The following KCTD5 variants were observed in gnomAD, a reference collection of about 807,000 sequenced individuals.
KCTD5 encodes the protein potassium channel tetramerization domain containing 5.
Under a neutral mutation model 27.9 loss-of-function variants are expected in KCTD5, and 12 were observed. The ratio of observed to expected loss-of-function variants is 0.43; its 90% confidence interval spans 0.28 to 0.70. The LOEUF (loss-of-function observed/expected upper bound fraction) is 0.70. KCTD5 is among the 30% of genes least tolerant of loss of function. The pLI is 0.19. For missense variants in KCTD5, 226 were observed against 274.8 expected, an observed-to-expected ratio of 0.82 and a Z score of 1.26; for synonymous variants, 147 against 121.4, an observed-to-expected ratio of 1.21 and a Z score of -1.39.
chr16:2,696,796 G>A (rs1354471572), intron 2 of KCTD5, among the ~76,000 whole-genome samples: 1 of 152,268 alleles, frequency 6.6e-6, no homozygotes, highest in East Asian at 1.9e-4. Flanking sequence ...GAGTGACGGG[G>A]GCTGTGGCCC....
chr16:2,702,464 A>G lies in KCTD5; in HGVS notation c.661A>G (p.Ser221Gly). ...CCCGTACGGTACGGCCAGCGAGCCC[A>G]GCGAGAAGGCCAAGGTGAGTGCTGG... ...NTPYGTASEP[S>G]EKAKILQERG... Residue 221 changes from serine to glycine, a missense_variant, in exon 5 of 6, where the codon AGC becomes GGC. This residue lies in a region of KCTD5 where 135 missense variants were observed against 207.0 expected (regional missense o/e 0.65). Transcript: ENST00000301738. The G allele has an allele frequency of 6.2e-7, 1 of 1,613,138 alleles. No homozygotes were observed. The highest frequency in any genetic ancestry group is 8.5e-7 in the Non-Finnish European group (1 of 1,179,922).
chr16:2,705,193 G>A lies in KCTD5; in HGVS notation c.676-2105G>A, dbSNP rs1295889367. On this transcript the variant is annotated intron_variant, in intron 5 of 5. Coordinates refer to ENST00000301738, the MANE Select transcript of KCTD5 (RefSeq NM_018992.4). ...GGCTCAGATTAAGTGTGAATGTCAT[G>A]GTGAGCTCCGTGGCCTCCTTGACCC... Among the ~76,000 whole-genome samples the A allele has an allele frequency of 3.9e-5, 6 of 152,316 alleles. No homozygotes were observed. In the South Asian group the frequency reaches 1.2e-3, roughly 32 times the overall value.
chr16:2,690,250 G>A (rs928453751), intron 1 of KCTD5, among the ~76,000 whole-genome samples: 2 of 152,240 alleles, frequency 1.3e-5, no homozygotes, highest in Non-Finnish European at 2.9e-5. Context: ...CCGTCTGCCA[G>A]GGCTGTGTGT....
At chr16:2,683,420 G>A (rs1160666053) in intron 1 of KCTD5, 1 of 152,126 alleles carries the variant, frequency 6.6e-6, no homozygotes. Flanking sequence ...TCATATTAAG[G>A]GTTGCTTTAG....
intron 1 of KCTD5, among the ~76,000 whole-genome samples, chr16:2,689,852 T>C (rs2067557514): frequency 1.3e-5 from 2 of 152,166 alleles, no homozygotes; most frequent in Admixed American, 1.3e-4. Flanking sequence ...ATTTGTGTAT[T>C]TTTAGTAGAG....
chr16:2,687,059 G>C (rs1484919271), intron 1 of KCTD5, among the ~76,000 whole-genome samples: 1 of 152,198 alleles, frequency 6.6e-6, no homozygotes, highest in East Asian at 1.9e-4. Context: ...CTGGACCTCT[G>C]CGATGGTCCC....
chr16:2,704,228 GCC>G (rs2067624719), intron 5 of KCTD5, among the ~76,000 whole-genome samples: 1 of 152,230 alleles, frequency 6.6e-6, no homozygotes, highest in South Asian at 2.1e-4. Flanking sequence ...CAGAGCTCAG[GCC>G]AGAGCCTCAG....
At chr16:2,699,792 G>A (rs779694301) in intron 3 of KCTD5, 29 bp from the exon 4 acceptor site, 12 of 1,606,398 alleles carry the variant, frequency 7.5e-6, no homozygotes, top group East Asian at 4.5e-5. Context: ...TGGGTGGCCC[G>A]CCCTTACCTG....
intron 5 of KCTD5, among the ~76,000 whole-genome samples, chr16:2,703,718 T>C (rs1748589681): frequency 1.3e-5 from 2 of 152,192 alleles, no homozygotes; most frequent in African/African-American, 2.4e-5. Flanking sequence ...CCCGTTGTGC[T>C]CTTGCTGTGG....
In KCTD5 at chr16:2,682,532, C is replaced by CG; in HGVS notation, c.-13dup. The CG allele has an allele frequency of 5.0e-6, 7 of 1,390,588 alleles. No homozygotes were observed. In the South Asian group the frequency reaches 1.0e-4, roughly 20 times the overall value. 86.1% of individuals were successfully genotyped at this position (1,390,588 alleles called of 1,614,324 possible). A position where few individuals can be genotyped will look rare whatever the true frequency, so the allele number is the denominator to read the frequency against. ...CGCTTCCGGTGGAAGGGAGCTGTTGCGGGGCTTGCTGGGATCATGGCGGAG... is the reference window on the plus strand; with the variant it reads ...CGCTTCCGGTGGAAGGGAGCTGTTGCGGGGGCTTGCTGGGATCATGGCGGAG... On this transcript the variant is annotated 5_prime_UTR_variant, in exon 1 of 6. Coordinates refer to ENST00000301738, the MANE Select transcript of KCTD5 (RefSeq NM_018992.4).
intron 2 of KCTD5, among the ~76,000 whole-genome samples, chr16:2,696,568 G>A (rs1290664964): frequency 6.6e-6 from 1 of 152,380 alleles, no homozygotes; most frequent in East Asian, 1.9e-4. Context: ...GGCCCAGGCT[G>A]GCCTGCCTGT....
intron 1 of KCTD5, among the ~76,000 whole-genome samples, chr16:2,691,311 T>C (rs897727537): frequency 2.0e-5 from 3 of 152,150 alleles, no homozygotes; most frequent in African/African-American, 7.2e-5. Flanking sequence ...AGGGCCTGTT[T>C]CTCGAGGAAA....
chr16:2,704,655 AG>A (rs2067627119), intron 5 of KCTD5, among the ~76,000 whole-genome samples: 1 of 152,140 alleles, frequency 6.6e-6, no homozygotes, highest in South Asian at 2.1e-4. Context: ...GCGGCTGAGG[AG>A]GGGGTTCCTT....
rs1413861693 is a variant in KCTD5, at chr16:2,688,633, C to G, written c.252+5833C>G. On this transcript the variant is annotated intron_variant, in intron 1 of 5. Transcript: ENST00000301738. ...TGTCGACCTCTGGCCACACTCAGCC[C>G]TGTCAGCCTCGGGTGATGCACCGGA... Among the ~76,000 whole-genome samples, 3 of 133,422 alleles carry G rather than the reference C, an allele frequency of 2.2e-5. No homozygotes were observed. In the Admixed American group the frequency reaches 2.3e-4, roughly 10 times the overall value. 87.5% of individuals were successfully genotyped at this position (133,422 alleles called of 152,430 possible).
At chr16:2,704,429 C>T (rs970604177) in intron 5 of KCTD5, among the ~76,000 whole-genome samples, 10 of 150,616 alleles carry the variant, frequency 6.6e-5, no homozygotes, top group East Asian at 4.0e-4. Flanking sequence ...GGTGGTGGGG[C>T]GGGAGGGGTT....
rs372221749 is a variant in KCTD5, at chr16:2,702,360, G to A, written c.557G>A (p.Ser186Asn). ...SDGWKFEQLVSIGSSYNYGNE... is the reference protein window; with the variant it reads ...SDGWKFEQLVNIGSSYNYGNE... Reference sequence around the variant, plus strand: ...GGCTATGTCTCCTTGCAGTTGGTCAGCATCGGCTCCTCTTACAACTATGGG... The same window carrying A: ...GGCTATGTCTCCTTGCAGTTGGTCAACATCGGCTCCTCTTACAACTATGGG... Residue 186 changes from serine (S) to asparagine (N), a missense_variant, in exon 5 of 6, where the codon AGC (serine) becomes AAC (asparagine). Ser to Asn is a conservative substitution (Grantham distance 46, BLOSUM62 1). Coordinates refer to ENST00000301738, the MANE Select transcript of KCTD5 (RefSeq NM_018992.4). 3.5e-5 allele frequency: 56 copies of A among 1,613,398 alleles called. No homozygotes were observed. The highest frequency in any genetic ancestry group is 6.7e-5 in the Admixed American group (4 of 59,994).
chr16:2,682,686 C>T lies in KCTD5; in HGVS notation c.138C>T (p.Val46=), dbSNP rs1320027199. The T allele has an allele frequency of 1.2e-6, 2 of 1,608,846 alleles. No individual in the cohort carries two copies. Among genetic ancestry groups the T allele is most frequent in the Non-Finnish European group, 1.7e-6 (2 of 1,178,436 alleles). ...GCCCTGGCAGCGTGTCCAAGTGGGT[C>T]CGACTCAACGTCGGCGGCACCTACT... ...AQRPGSVSKW[V]RLNVGGTYFL... Residue 46 remains valine, a synonymous_variant, in exon 1 of 6, where the codon GTC becomes GTT. Coordinates refer to ENST00000301738, the MANE Select transcript of KCTD5 (RefSeq NM_018992.4).
rs542025786 is a variant in KCTD5, at chr16:2,690,462, C to T, written c.253-5473C>T. On this transcript the variant is annotated intron_variant, in intron 1 of 5. Transcript: ENST00000301738. ...GCCACAAGTAGGTCAGATGCCAATT[C>T]AGTGAGACGCGGGGAAGATGAGGGA... 8.5e-5 allele frequency among the ~76,000 whole-genome samples: 13 copies of T among 152,366 alleles called. 1 individual carries two copies. The South Asian group carries it at 2.5e-3, about 29-fold the overall frequency.
intron 1 of KCTD5, among the ~76,000 whole-genome samples, chr16:2,691,906 C>T (rs1017220353): frequency 6.6e-6 from 1 of 152,208 alleles, no homozygotes; most frequent in Non-Finnish European, 1.5e-5. Context: ...CTGCTGGCCC[C>T]TGAGCACAGG....
Sources: allele counts gnomAD v4.1 joint callset (sites outside exome capture counted in the v4.1 genomes callset), GRCh38; gene constraint gnomAD v4.1.1; regional missense constraint gnomAD v4.1.1; transcripts MANE v1.5; gene names NCBI Gene and HGNC (gene_info 2026-07-23, HGNC 2026-07-21).